Variants in PARP1 observed in about 807,000 individuals in gnomAD.
PARP1 encodes poly [ADP-ribose] polymerase 1.
PARP1 carries 44 observed loss-of-function variants against 118.7 expected under a neutral mutation model. The observed-to-expected ratio is 0.37, with a 90% CI of 0.29 to 0.48. PARP1 has a LOEUF of 0.48. Ranked by LOEUF, PARP1 falls within the 20% of genes least tolerant of loss-of-function variation. The pLI is 0.99. For missense variants in PARP1, 1,100 were observed against 1,272.4 expected, an observed-to-expected ratio of 0.86 and a Z score of 2.06; for synonymous variants, 492 against 483.2, an observed-to-expected ratio of 1.02 and a Z score of -0.24.
At chr1:226,384,480 A>G (rs1664680225) in intron 7 of PARP1, among the ~76,000 whole-genome samples, 2 of 152,266 alleles carry the variant, frequency 1.3e-5, no homozygotes, top group South Asian at 4.1e-4. Flanking sequence ...AAATGTATAT[A>G]GATGCTCTAC....
chr1:226,406,417 G>A (rs150258621), intron 1 of PARP1, among the ~76,000 whole-genome samples: 1 of 152,110 alleles, frequency 6.6e-6, no homozygotes, highest in East Asian at 1.9e-4. Flanking sequence ...TTCCTTAGTG[G>A]GCAACAAGGC....
chr1:226,392,884 T>C, intron 2 of PARP1: 1 of 1,549,466 alleles, frequency 6.5e-7, no homozygotes, highest in Non-Finnish European at 8.6e-7. Flanking sequence ...TCTCTTATTA[T>C]AAAAATAAAT....
At chr1:226,393,019 TG>T (rs1558241344) in intron 2 of PARP1, 1 of 1,513,742 alleles carries the variant, frequency 6.6e-7, no homozygotes, top group Non-Finnish European at 8.8e-7. Flanking sequence ...AAACACAAGG[TG>T]TAAGTTTGGA....
intron 4 of PARP1, among the ~76,000 whole-genome samples, chr1:226,389,475 C>T (rs1474775322): frequency 6.6e-6 from 1 of 152,214 alleles, no homozygotes; most frequent in African/African-American, 2.4e-5. Context: ...TACCATCTGC[C>T]TCACAGAACT....
intron 2 of PARP1, among the ~76,000 whole-genome samples, chr1:226,397,786 C>T (rs1256407012): frequency 2.0e-5 from 3 of 152,106 alleles, no homozygotes; most frequent in Non-Finnish European, 4.4e-5. Context: ...CCACAGCAGT[C>T]AACACAGTGT....
At chr1:226,377,675 T>C (rs1411034263) in intron 12 of PARP1, among the ~76,000 whole-genome samples, 1 of 151,980 alleles carries the variant, frequency 6.6e-6, no homozygotes, top group African/African-American at 2.4e-5. Context: ...CTTACAGCTG[T>C]ACCCTAAAAA....
chr1:226,367,485 T>C lies in PARP1; in HGVS notation c.2401A>G (p.Ile801Val). ...DVNYEKLKTD[I>V]KVVDRDSEEA... ...GGAAGGCCTGACCCTGTTACCTTAA[T>C]GTCAGTTTTGAGCTTCTCATAGTTG... Residue 801 changes from isoleucine to valine, a missense_variant, in exon 17 of 23, where the codon ATT becomes GTT. Ile to Val is a conservative substitution (Grantham distance 29, BLOSUM62 3). Coordinates refer to ENST00000366794, the MANE Select transcript of PARP1 (RefSeq NM_001618.4). The C allele has an allele frequency of 6.2e-7, 1 of 1,614,020 alleles. No individual in the cohort carries two copies. Among genetic ancestry groups the C allele is most frequent in the Non-Finnish European group, 8.5e-7 (1 of 1,180,028 alleles).
chr1:226,407,715 G>GGGCCCA (rs1160835107), intron 1 of PARP1, 95 bp downstream of exon 1: 3 of 1,297,636 alleles, frequency 2.3e-6, no homozygotes, highest in South Asian at 1.3e-5. Flanking sequence ...GCCCGGGCCC[G>GGGCCCA]CTCGCTCCCT....
intron 1 of PARP1, among the ~76,000 whole-genome samples, chr1:226,402,978 T>C (rs1472280005): frequency 6.6e-6 from 1 of 152,208 alleles, no homozygotes; most frequent in Non-Finnish European, 1.5e-5. Context: ...GTGGAATGAA[T>C]GGAGGTCTTT....
chr1:226,379,209 C>T lies in PARP1; in HGVS notation c.1678G>A (p.Val560Met), dbSNP rs1425989175. 6.2e-7 allele frequency: 1 copy of T among 1,614,216 alleles called. No individual in the cohort carries two copies. The highest frequency in any genetic ancestry group is 1.7e-5 in the Admixed American group (1 of 60,024). ...GKVFSATLGLVDIVKGTNSYY... is the reference protein window; with the variant it reads ...GKVFSATLGLMDIVKGTNSYY... Reference sequence around the variant, plus strand: ...GAGTTGGTTCCTTTAACGATGTCCACCAGGCCAAGGGTGGCACTGAAGACC... The same window carrying T: ...GAGTTGGTTCCTTTAACGATGTCCATCAGGCCAAGGGTGGCACTGAAGACC... Residue 560 changes from valine to methionine, a missense_variant, in exon 12 of 23, where the codon GTG becomes ATG. This residue lies in a region of PARP1 where 948 missense variants were observed against 1,031.8 expected (regional missense o/e 0.92). Coordinates refer to ENST00000366794, the MANE Select transcript of PARP1 (RefSeq NM_001618.4).
intron 2 of PARP1, chr1:226,393,050 C>G: frequency 7.3e-7 from 1 of 1,364,842 alleles, no homozygotes; most frequent in Non-Finnish European, 9.8e-7. Context: ...GTAAAGCCAT[C>G]TCTACTTGTA....
Position 226,379,583 on chromosome 1 carries a change from A to T in PARP1, c.1602T>A (p.Asp534Glu). ...KLTLKGGAAV[D>E]PDSGLEHSAH... ...GTCCTGTTTGCTTACCAGAATCAGG[A>T]TCCACAGCTGCTCCTCCTTTAAGAG... Residue 534 changes from aspartate (D) to glutamate (E), a missense_variant, in exon 11 of 23, where the codon GAT becomes GAA. Coordinates refer to ENST00000366794, the MANE Select transcript of PARP1 (RefSeq NM_001618.4). 1 of 1,613,202 alleles carries T rather than the reference A, an allele frequency of 6.2e-7. No homozygotes were observed. Among genetic ancestry groups the T allele is most frequent in the South Asian group, 1.1e-5 (1 of 90,928 alleles).
At chr1:226,364,868 T>G in intron 19 of PARP1, 134 bp downstream of exon 19, 1 of 999,816 alleles carries the variant, frequency 1.0e-6, no homozygotes, top group Non-Finnish European at 1.5e-6. Context: ...GTCAGGAGGA[T>G]AAAAGGGTGA....
At chr1:226,379,834 G>A (rs1409695937) in intron 10 of PARP1, 88 bp downstream of exon 10, 1 of 1,594,180 alleles carries the variant, frequency 6.3e-7, no homozygotes, top group Non-Finnish European at 8.6e-7. Flanking sequence ...CCATGTCAGG[G>A]ACACAAAGGG....
intron 1 of PARP1, among the ~76,000 whole-genome samples, chr1:226,402,877 G>C (rs1665065182): frequency 6.6e-6 from 1 of 152,236 alleles, no homozygotes; most frequent in Admixed American, 6.5e-5. Flanking sequence ...CTGCAGTTAA[G>C]AATAACAAGG....
intron 2 of PARP1, among the ~76,000 whole-genome samples, chr1:226,396,493 C>T (rs1410779606): frequency 6.6e-6 from 1 of 150,560 alleles, no homozygotes; most frequent in Non-Finnish European, 1.5e-5. Context: ...AAATCAAGCA[C>T]ACTCACAAGC....
intron 1 of PARP1, among the ~76,000 whole-genome samples, chr1:226,402,673 C>A (rs1665061370): frequency 6.6e-6 from 1 of 152,252 alleles, no homozygotes; most frequent in South Asian, 2.1e-4. Flanking sequence ...CCACTGAGCT[C>A]TGCCCCACGT....
At chr1:226,369,453 C>A (rs1423408038) in intron 15 of PARP1, among the ~76,000 whole-genome samples, 1 of 152,220 alleles carries the variant, frequency 6.6e-6, no homozygotes, top group African/African-American at 2.4e-5. Context: ...AAAGAGGCTT[C>A]CATTTGATGA....
intron 2 of PARP1, among the ~76,000 whole-genome samples, chr1:226,394,766 T>C (rs1338636260): frequency 6.6e-6 from 1 of 151,978 alleles, no homozygotes; most frequent in East Asian, 1.9e-4. Context: ...CAGAGCAAGA[T>C]GTTGTCTTGA....
Sources: gnomAD v4.1 joint callset for allele counts (sites outside exome capture counted in the v4.1 genomes callset) on GRCh38, gnomAD v4.1.1 for gene constraint, gnomAD v4.1.1 regional missense constraint, MANE v1.5 for transcripts, NCBI Gene and HGNC (gene_info 2026-07-23, HGNC 2026-07-21) for gene names.